NPHS1: variants seen among roughly 807,000 people sequenced by gnomAD.
NPHS1 encodes nephrin.
Under a neutral mutation model 139.7 loss-of-function variants are expected in NPHS1, and 107 were observed. The ratio of observed to expected loss-of-function variants is 0.77; its 90% CI spans 0.66 to 0.90. The LOEUF (loss-of-function observed/expected upper bound fraction) is 0.90. Among genes scored for constraint, NPHS1 ranks in the 40% least tolerant of loss-of-function variants. The probability of loss-of-function intolerance (pLI) is 0.00; values close to 1 mark genes in which losing one functional copy is unlikely to be tolerated. For missense variants in NPHS1, 1,580 were observed against 1,654.2 expected (o/e 0.96, Z 0.78); for synonymous variants, 707 against 706.6 (o/e 1.00, Z -0.01).
chr19:35,850,589 C>G, intron 4 of NPHS1, 144 bp from the exon 5 acceptor site: 1 of 770,234 alleles, frequency 1.3e-6, no homozygotes, highest in Non-Finnish European at 2.2e-6. Context: ...GAGCTGCATC[C>G]CCTCCCGACT....
At chr19:35,838,865 T>A (rs1020679662) in intron 22 of NPHS1, among the ~76,000 whole-genome samples, 15 of 151,974 alleles carry the variant, frequency 9.9e-5, no homozygotes, top group African/African-American at 2.4e-4. Context: ...TAAAAAAAAA[T>A]TAAATAATTA....
At position 35,850,327 on chromosome 19, in the gene NPHS1, AG is replaced by A. The variant is rs758396671; in HGVS notation, c.608+36del. On this transcript the variant is annotated intron_variant, in intron 5 of 28. Coordinates refer to ENST00000378910, the MANE Select transcript of NPHS1 (RefSeq NM_004646.4). ...GTCTGGGGTTCCCATGGGGAAAATT[AG>A]GGGTCAAGGTTGGGGGGTTGTTTCA... 7.7e-6 allele frequency: 12 copies of A among 1,561,076 alleles called. No homozygotes were observed. In the South Asian group the frequency reaches 1.3e-4, roughly 17 times the overall value.
rs367976914 is a variant in NPHS1 at position 35,845,476 on chromosome 19, C to T, written c.1822G>A (p.Val608Ile). ...TCGCGGGATGACACTTGCAGAAGGA[C>T]GCTCCTGGCGGCGGCGGAGCCTTTG... is the stretch of plus-strand genomic sequence containing the variant. The part of the protein sequence containing the change: ...PFKGSAAARS[V>I]LLQVSSRDHG... The change falls in exon 14 of 29, where the codon GTC becomes ATC. Residue 608 changes from valine (V) to isoleucine (I), a missense_variant. Val to Ile is a conservative substitution (Grantham distance 29, BLOSUM62 3). Coordinates refer to ENST00000378910, the MANE Select transcript of NPHS1 (RefSeq NM_004646.4). This position sits in a 1 kb window ranked among gnomAD's most constrained non-coding sequence, Gnocchi z 5.5. 455 of 1,613,992 alleles carry T rather than the reference C, an allele frequency of 2.8e-4. 6 individuals carry two copies. The South Asian group carries it at 4.6e-3, about 16-fold the overall frequency.
In NPHS1 at chr19:35,831,371, C is replaced by T. The variant is rs757889692; in HGVS notation, c.3312G>A (p.Gly1104=). ...CGTTCCTGACTCGGTCCTCTTCCGA[C>T]CTTCCAGGATGAAGGTGTGGGGGGA... ...AEGISEKTEA[G]SEEDRVRNEY... is the part of the protein sequence containing the mutation. Residue 1104 remains glycine (G), a splice_region_variant and synonymous_variant, in exon 26 of 29, where the codon GGG becomes GGA. Transcript: ENST00000378910. 8.7e-6 allele frequency: 14 copies of T among 1,614,092 alleles called. No homozygotes were observed. Among genetic ancestry groups the T allele is most frequent in the Non-Finnish European group, 1.0e-5 (12 of 1,180,014 alleles).
intron 20 of NPHS1, among the ~76,000 whole-genome samples, chr19:35,841,212 GA>G (rs1480583600): frequency 1.3e-5 from 2 of 151,718 alleles, no homozygotes; most frequent in East Asian, 3.9e-4. Context: ...GTCTCTACTA[GA>G]AATACAAAAA....
chr19:35,843,228 G>A (rs1050215065), intron 17 of NPHS1, among the ~76,000 whole-genome samples: 1 of 152,050 alleles, frequency 6.6e-6, no homozygotes, highest in Non-Finnish European at 1.5e-5. Flanking sequence ...TCATCCACCT[G>A]TTCATCCACT....
At chr19:35,832,987 C>T (rs374354626) in intron 23 of NPHS1, among the ~76,000 whole-genome samples, 12 of 150,460 alleles carry the variant, frequency 8.0e-5, no homozygotes, top group African/African-American at 1.2e-4. Context: ...AGGGTTCAAG[C>T]GATTCTTCTC....
In NPHS1 at chr19:35,839,528, A is replaced by C; in HGVS notation, c.2895T>G (p.Phe965Leu). The change falls in exon 21 of 29, where the codon TTT (phenylalanine) becomes TTG (leucine). Residue 965 changes from phenylalanine (F) to leucine (L), a missense_variant. Physicochemically the swap from Phe to Leu is conservative, Grantham distance 22 (BLOSUM62 0). Coordinates refer to ENST00000378910, the MANE Select transcript of NPHS1 (RefSeq NM_004646.4). ...HSVGLEWKPG[F>L]DGGLPQRFCI... ...AGAACCTCTGTGGCAGGCCCCCATC[A>C]AAGCCAGGCTTCCACTCCAGCCCCA... 6.2e-7 allele frequency: 1 copy of C among 1,614,166 alleles called. No homozygotes were observed. The highest frequency in any genetic ancestry group is 1.1e-5 in the South Asian group (1 of 91,080).
intron 3 of NPHS1, 50 bp downstream of exon 3, chr19:35,851,212 G>A (rs760210233): frequency 3.1e-6 from 5 of 1,613,492 alleles, no homozygotes; most frequent in Non-Finnish European, 4.2e-6. Flanking sequence ...GCGGGGTAGG[G>A]GAGGGCTTGA....
intron 16 of NPHS1, 116 bp downstream of exon 16, chr19:35,843,987 G>A: frequency 7.0e-7 from 1 of 1,421,062 alleles, no homozygotes; most frequent in Middle Eastern, 2.6e-4. Flanking sequence ...TTCCAGAACG[G>A]GAGGGTTCCA....
rs1294080245 is a variant in NPHS1 at position 35,828,761 on chromosome 19, G to GT, written c.3594+2082dup. ...GTTTGTGTAGAGTTTGAGGAAGACC[G>GT]TATGTCCCACACAGCCCAAAGCATT... is the stretch of plus-strand genomic sequence containing the variant. On this transcript the variant is annotated intron_variant, in intron 28 of 28. Coordinates refer to ENST00000378910, the MANE Select transcript of NPHS1 (RefSeq NM_004646.4). Among the ~76,000 whole-genome samples, 4 of 152,332 alleles carry GT rather than the reference G, an allele frequency of 2.6e-5. No homozygotes were observed. In the East Asian group the frequency reaches 7.7e-4, roughly 29 times the overall value.
chr19:35,846,230 C>G, intron 11 of NPHS1, 36 bp from the exon 12 acceptor site: 2 of 1,550,416 alleles, frequency 1.3e-6, no homozygotes, highest in South Asian at 1.2e-5. Context: ...CGCAGGCAGC[C>G]CTGCCGCTTC....
At chr19:35,838,532 G>A (rs1371778277) in intron 22 of NPHS1, among the ~76,000 whole-genome samples, 3 of 148,258 alleles carry the variant, frequency 2.0e-5, no homozygotes, top group Non-Finnish European at 4.5e-5. Flanking sequence ...CAGCCTGGGT[G>A]GCAGAGTGAG....
At chr19:35,833,228 C>G (rs1046545919) in intron 23 of NPHS1, among the ~76,000 whole-genome samples, 7 of 152,036 alleles carry the variant, frequency 4.6e-5, no homozygotes, top group Admixed American at 6.6e-5. Context: ...TCCATCCCAG[C>G]CAATATCAGG....
At position 35,851,285 on chromosome 19, in the gene NPHS1, G is replaced by A; in HGVS notation, c.374C>T (p.Pro125Leu). Reference protein sequence around the residue: ...RSEMGPELVSPRVILSILVPP... With the variant: ...RSEMGPELVSLRVILSILVPP... ...ACCCAGGATGGAGAGGATCACTCTG[G>A]GAGACACGAGCTCGGGCCCCATCTC... Residue 125 changes from proline to leucine, a missense_variant, in exon 3 of 29, where the codon CCC (proline) becomes CTC (leucine). Physicochemically the swap from Pro to Leu is moderately conservative, Grantham distance 98 (BLOSUM62 -3). Transcript: ENST00000378910. 6.2e-7 allele frequency: 1 copy of A among 1,614,014 alleles called. No homozygotes were observed.
intron 27 of NPHS1, 41 bp downstream of exon 27, chr19:35,831,012 G>A: frequency 1.9e-6 from 3 of 1,606,756 alleles, no homozygotes; most frequent in Non-Finnish European, 2.6e-6. Context: ...GGCGTCGGGG[G>A]TACCTCTGAG....
rs1398440520 is a variant in NPHS1 at position 35,845,980 on chromosome 19, C to T, written c.1627+28G>A. The T allele has an allele frequency of 1.3e-6, 2 of 1,552,510 alleles. No individual in the cohort carries two copies. The highest frequency in any genetic ancestry group is 2.4e-5 in the South Asian group (2 of 84,508). On this transcript the variant is annotated intron_variant, in intron 12 of 28. Transcript: ENST00000378910. The surrounding 1 kb of genome is among the most constrained non-coding windows in gnomAD (Gnocchi z 5.5). ...CTGGCTCTGTCCCTCCCGCCCCGCC[C>T]CCGGGCCTCAGCAGTGCGAGCCCTC...
rs1057524695 is a variant in NPHS1 at position 35,831,049 on chromosome 19, T to A, written c.3481+4A>T. On this transcript the variant is annotated splice_donor_region_variant and intron_variant, in intron 27 of 28. Transcript: ENST00000378910. The stretch of plus-strand genomic sequence containing the variant: ...GAGGGAATCCTGACATGGTCCTAAC[T>A]CACCTCGGGAATAAGACACCTCCTC... 4.3e-6 allele frequency: 7 copies of A among 1,613,976 alleles called. No homozygotes were observed. Among genetic ancestry groups the A allele is most frequent in the Non-Finnish European group, 5.1e-6 (6 of 1,179,950 alleles).
At position 35,843,514 on chromosome 19, in the gene NPHS1, A is replaced by T. The variant is rs1446853150; in HGVS notation, c.2292T>A (p.Asp764Glu). The change falls in exon 17 of 29, where the codon GAT becomes GAA. Residue 764 changes from aspartate (D) to glutamate (E), a missense_variant. By Grantham distance (45) the Asp-to-Glu change is conservative. Transcript: ENST00000378910. ...ACATGCCCGGGAGGATGGGATTGGC[A>T]TCGACAGTGCAGACTATGTCCACAG... The part of the protein sequence containing the change: ...GGSVDIVCTV[D>E]ANPILPGMFN... 1.9e-6 allele frequency: 3 copies of T among 1,614,118 alleles called. No homozygotes were observed. Among genetic ancestry groups the T allele is most frequent in the Non-Finnish European group, 2.5e-6 (3 of 1,179,986 alleles).
Sources: allele counts gnomAD v4.1 joint callset (sites outside exome capture counted in the v4.1 genomes callset), GRCh38; gene constraint gnomAD v4.1.1; non-coding constraint Gnocchi (gnomAD v3.1); transcripts MANE v1.5; gene names NCBI Gene and HGNC (gene_info 2026-07-23, HGNC 2026-07-21).